TENM3: variants seen among roughly 807,000 people sequenced by gnomAD.
TENM3 encodes teneurin-3.
In TENM3, 63 loss-of-function variants were observed where a neutral mutation model predicts 255.1. That is an observed-to-expected ratio of 0.25 (90% CI 0.20 to 0.30). The LOEUF is 0.30. Ranked by LOEUF, TENM3 falls within the 10% of genes least tolerant of loss-of-function variation. TENM3 has a pLI of 1.00. For synonymous variants in TENM3, 1,306 were observed against 1,322.3 expected (o/e 0.99, Z 0.27); for missense variants, 2,929 against 3,461.1 (o/e 0.85, Z 3.86).
At chr4:182,483,662 C>T (rs1734417181) in intron 3 of TENM3, among the ~76,000 whole-genome samples, 1 of 152,056 alleles carries the variant, frequency 6.6e-6, no homozygotes, top group Non-Finnish European at 1.5e-5. Context: ...TCTGTTCTCA[C>T]ATTGCTATAA....
upstream of TENM3, among the ~76,000 whole-genome samples, chr4:182,241,518 C>T (rs978075074): frequency 1.8e-4 from 21 of 114,236 alleles, no homozygotes; most frequent in African/African-American, 3.5e-4. Flanking sequence ...TTTTTTCTTT[C>T]TTTTTTTTTT....
intron 3 of TENM3, among the ~76,000 whole-genome samples, chr4:182,485,556 ACAT>A (rs1734615899): frequency 6.6e-6 from 1 of 152,204 alleles, no homozygotes; most frequent in African/African-American, 2.4e-5. Flanking sequence ...GTTTATAAAT[ACAT>A]ACTGGAGTCT....
intron 3 of TENM3, among the ~76,000 whole-genome samples, chr4:182,467,290 A>G (rs1054943610): frequency 7.0e-6 from 1 of 143,530 alleles, no homozygotes; most frequent in Non-Finnish European, 1.6e-5. Flanking sequence ...TTTTTAATGT[A>G]AAAGAGAAAT....
the TENM3 span, among the ~76,000 whole-genome samples, chr4:181,448,222 AGTGGCG>A: frequency 8.2e-6 from 1 of 122,678 alleles, no homozygotes; most frequent in East Asian, 2.6e-4. Context: ...GCTGGAGTGC[AGTGGCG>A]CGATCTCGGC....
intron 3 of TENM3, among the ~76,000 whole-genome samples, chr4:182,514,700 T>C (rs1157855868): frequency 6.6e-6 from 1 of 152,086 alleles, no homozygotes; most frequent in East Asian, 1.9e-4. Context: ...GTTCATGAAC[T>C]ACTAAAAGGG....
the TENM3 span, among the ~76,000 whole-genome samples, chr4:181,912,717 A>G: frequency 1.3e-5 from 2 of 151,080 alleles, no homozygotes; most frequent in African/African-American, 4.9e-5. Context: ...GGTTGCAATG[A>G]TCTGAGATCA....
intron 3 of TENM3, among the ~76,000 whole-genome samples, chr4:182,592,070 AT>A (rs908091284): frequency 6.6e-6 from 1 of 151,392 alleles, no homozygotes; most frequent in Non-Finnish European, 1.5e-5. Context: ...TTTAATGGTA[AT>A]TTACTGTTTT....
the TENM3 span, among the ~76,000 whole-genome samples, chr4:181,705,457 G>A: frequency 1.3e-5 from 2 of 152,188 alleles, no homozygotes; most frequent in Non-Finnish European, 1.5e-5. Flanking sequence ...CTAACTTCCA[G>A]CTTGCTGCTG....
intron 3 of TENM3, among the ~76,000 whole-genome samples, chr4:182,417,527 T>C (rs7654243): frequency 0.7 from 106,177 of 151,892 alleles, 37,495 homozygotes; most frequent in East Asian, 0.92. Flanking sequence ...TAACATCAAC[T>C]TTTAGGATAA....
upstream of TENM3, among the ~76,000 whole-genome samples, chr4:182,240,301 A>C (rs1276650920): frequency 6.6e-6 from 1 of 152,142 alleles, no homozygotes; most frequent in East Asian, 1.9e-4. Flanking sequence ...AGATCAACGG[A>C]ATGCCAGAAG....
the TENM3 span, among the ~76,000 whole-genome samples, chr4:181,714,664 G>A: frequency 2.0e-5 from 3 of 152,034 alleles, no homozygotes; most frequent in African/African-American, 7.2e-5. Flanking sequence ...TCCCTCCATA[G>A]GCCAGCTCTT....
At chr4:181,922,690 TG>T in the TENM3 span, among the ~76,000 whole-genome samples, 1 of 152,020 alleles carries the variant, frequency 6.6e-6, no homozygotes, top group Non-Finnish European at 1.5e-5. Flanking sequence ...AACCAGCTCC[TG>T]GATTCATTAA....
chr4:181,909,281 C>T, the TENM3 span, among the ~76,000 whole-genome samples: 3 of 152,176 alleles, frequency 2.0e-5, no homozygotes, highest in African/African-American at 7.2e-5. Flanking sequence ...ATTATTTAAT[C>T]TCTGTGATTT....
At chr4:181,493,886 C>A in the TENM3 span, among the ~76,000 whole-genome samples, 1 of 152,124 alleles carries the variant, frequency 6.6e-6, no homozygotes, top group East Asian at 1.9e-4. Context: ...TCCCTCCATA[C>A]CTCTATTTAC....
the TENM3 span, among the ~76,000 whole-genome samples, chr4:181,986,213 C>A: frequency 6.6e-6 from 1 of 152,018 alleles, no homozygotes; most frequent in Non-Finnish European, 1.5e-5. Flanking sequence ...AGCAGATTTC[C>A]CTCACGTTTC....
chr4:181,545,738 A>G, the TENM3 span, among the ~76,000 whole-genome samples: 3 of 152,236 alleles, frequency 2.0e-5, no homozygotes, highest in Non-Finnish European at 4.4e-5. Context: ...TTATTTTTAC[A>G]TTACAGCAGA....
At chr4:181,678,273 GT>G in the TENM3 span, among the ~76,000 whole-genome samples, 7 of 152,204 alleles carry the variant, frequency 4.6e-5, no homozygotes, top group African/African-American at 1.7e-4. Context: ...GGAAGAAGGG[GT>G]TTGTGGGAAG....
intron 3 of TENM3, among the ~76,000 whole-genome samples, chr4:182,594,143 T>C (rs1316728003): frequency 6.6e-6 from 1 of 152,154 alleles, no homozygotes; most frequent in African/African-American, 2.4e-5. Flanking sequence ...GGTTAGTTTG[T>C]TTTCTGTTCT....
chr4:181,744,551 T>C, the TENM3 span, among the ~76,000 whole-genome samples: 2 of 152,160 alleles, frequency 1.3e-5, no homozygotes, highest in East Asian at 1.9e-4. Flanking sequence ...ATCTGATGGA[T>C]ATTTTTAAGG....
Sources: gnomAD v4.1 joint callset for allele counts (sites outside exome capture counted in the v4.1 genomes callset) on GRCh38, gnomAD v4.1.1 for gene constraint, MANE v1.5 for transcripts, NCBI Gene and HGNC (gene_info 2026-07-23, HGNC 2026-07-21) for gene names.